KCNT2: variants seen among roughly 807,000 people sequenced by gnomAD.
KCNT2 encodes potassium channel subfamily T member 2.
A neutral mutation model predicts 153.8 loss-of-function variants in KCNT2; 67 were observed. That is an observed-to-expected ratio of 0.44 (90% CI 0.36 to 0.53). The LOEUF (loss-of-function observed/expected upper bound fraction) is 0.53, where lower values mean the gene tolerates loss of function less well. Ranked by LOEUF, KCNT2 falls within the 20% of genes least tolerant of loss-of-function variation. The pLI, the probability that KCNT2 is intolerant of heterozygous loss-of-function variation, is 0.00. For missense variants in KCNT2, 975 were observed against 1,354.8 expected (o/e 0.72, Z 4.40); for synonymous variants, 500 against 458.8 (o/e 1.09, Z -1.15).
intron 22 of KCNT2, 53 bp from the exon 23 acceptor site, chr1:196,285,811 T>A (rs1008155282): frequency 1.0e-6 from 1 of 997,252 alleles, no homozygotes; most frequent in East Asian, 2.4e-5. Flanking sequence ...ATTTTATGCA[T>A]TTCTGCCTCA....
chr1:196,244,140 T>C (rs1655210770), intron 26 of KCNT2, among the ~76,000 whole-genome samples: 1 of 152,024 alleles, frequency 6.6e-6, no homozygotes, highest in Non-Finnish European at 1.5e-5. Flanking sequence ...CCTGGCAGCA[T>C]TCATTACCTG....
At chr1:196,323,271 G>A (rs1287548442) in intron 19 of KCNT2, among the ~76,000 whole-genome samples, 2 of 152,038 alleles carry the variant, frequency 1.3e-5, no homozygotes, top group East Asian at 1.9e-4. Flanking sequence ...TTAATGAATG[G>A]ATAGTGTGAA....
chr1:196,580,865 T>C lies in KCNT2; in HGVS notation c.95+27350A>G, dbSNP rs948022215. Among the ~76,000 whole-genome samples the C allele has an allele frequency of 2.0e-5, 3 of 152,128 alleles. No individual in the cohort carries two copies. In the South Asian group the frequency reaches 6.2e-4, roughly 31 times the overall value. On this transcript the variant is annotated intron_variant, in intron 1 of 27. Coordinates refer to ENST00000294725, the MANE Select transcript of KCNT2 (RefSeq NM_198503.5). ...AAAGTGTTTCTTTCTGAAAAGTACA[T>C]CATGGAAAAGCTGACAAGGTGAAGG...
intron 14 of KCNT2, among the ~76,000 whole-genome samples, chr1:196,353,512 C>T (rs1340106331): frequency 6.6e-6 from 1 of 151,850 alleles, no homozygotes; most frequent in Admixed American, 6.6e-5. Context: ...AAACAAACCG[C>T]AAAAAAGCTG....
At chr1:196,426,538 C>A (rs142592378) in intron 10 of KCNT2, among the ~76,000 whole-genome samples, 1 of 151,746 alleles carries the variant, frequency 6.6e-6, no homozygotes, top group Non-Finnish European at 1.5e-5. Flanking sequence ...CAAAATATTA[C>A]AAAATATATG....
chr1:196,282,794 TA>T (rs1558098169), intron 23 of KCNT2, among the ~76,000 whole-genome samples: 1 of 152,246 alleles, frequency 6.6e-6, no homozygotes, highest in Non-Finnish European at 1.5e-5. Context: ...TATCATTTAT[TA>T]TTGCATATTC....
intron 2 of KCNT2, 63 bp downstream of exon 2, chr1:196,492,199 A>G (rs1164026196): frequency 1.5e-6 from 2 of 1,345,062 alleles, no homozygotes; most frequent in African/African-American, 3.1e-5. Context: ...AAAAGATCAC[A>G]CAGTTGAAAT....
At chr1:196,230,070 A>G (rs1365973648) in intron 27 of KCNT2, among the ~76,000 whole-genome samples, 6 of 152,044 alleles carry the variant, frequency 3.9e-5, no homozygotes, top group Non-Finnish European at 5.9e-5. Context: ...TAAACAACAG[A>G]TTTTCAATTT....
At chr1:196,237,216 A>G (rs1292281837) in intron 26 of KCNT2, among the ~76,000 whole-genome samples, 1 of 151,734 alleles carries the variant, frequency 6.6e-6, no homozygotes, top group East Asian at 1.9e-4. Flanking sequence ...CATTCATAAA[A>G]TAATGTTGAC....
At chr1:196,588,620 A>T (rs1662969240) in intron 1 of KCNT2, among the ~76,000 whole-genome samples, 1 of 151,980 alleles carries the variant, frequency 6.6e-6, no homozygotes, top group African/African-American at 2.4e-5. Flanking sequence ...TCCCAATGAC[A>T]CAAATCTACA....
intron 8 of KCNT2, among the ~76,000 whole-genome samples, chr1:196,456,652 G>C (rs933190660): frequency 1.3e-5 from 2 of 151,854 alleles, no homozygotes; most frequent in African/African-American, 4.8e-5. Context: ...ATTAAATTGT[G>C]CATTATCTGA....
chr1:196,390,299 T>G (rs1205676328), intron 13 of KCNT2, among the ~76,000 whole-genome samples: 1 of 151,636 alleles, frequency 6.6e-6, no homozygotes, highest in Non-Finnish European at 1.5e-5. Context: ...TAAACTCATA[T>G]TCTGGTGTTA....
At chr1:196,500,051 G>A (rs977495916) in intron 1 of KCNT2, among the ~76,000 whole-genome samples, 4 of 151,872 alleles carry the variant, frequency 2.6e-5, no homozygotes, top group Non-Finnish European at 4.4e-5. Context: ...GACAGAGGCA[G>A]AAGAATCACT....
intron 18 of KCNT2, among the ~76,000 whole-genome samples, chr1:196,329,131 G>A (rs570316987): frequency 6.6e-6 from 1 of 152,114 alleles, no homozygotes; most frequent in Non-Finnish European, 1.5e-5. Flanking sequence ...CACTGACCAG[G>A]ACACCAGCCC....
chr1:196,455,340 T>C (rs1676569723), intron 8 of KCNT2, among the ~76,000 whole-genome samples: 1 of 152,054 alleles, frequency 6.6e-6, no homozygotes, highest in Non-Finnish European at 1.5e-5. Context: ...CTTTTGTAAA[T>C]AGGCAGTACA....
At chr1:196,492,163 A>G (rs1679905550) in intron 2 of KCNT2, 99 bp downstream of exon 2, 8 of 1,166,654 alleles carry the variant, frequency 6.9e-6, no homozygotes, top group Admixed American at 4.3e-5. Flanking sequence ...AACCAATTTT[A>G]TTCCTCTATC....
chr1:196,361,494 A>AT (rs1274540129), intron 14 of KCNT2, among the ~76,000 whole-genome samples: 1 of 152,062 alleles, frequency 6.6e-6, no homozygotes, highest in Admixed American at 6.6e-5. Context: ...AGCAGTAGGC[A>AT]TTGGACTTAT....
intron 13 of KCNT2, among the ~76,000 whole-genome samples, chr1:196,389,071 C>T (rs565026525): frequency 4.3e-4 from 66 of 151,740 alleles, no homozygotes; most frequent in East Asian, 7.8e-4. Flanking sequence ...TTTTAAAATG[C>T]GGTTATTGCA....
At position 196,602,304 on chromosome 1, in the gene KCNT2, C is replaced by A. The variant is rs79664769; in HGVS notation, c.95+5911G>T. Among the ~76,000 whole-genome samples, 951 of 152,184 alleles carry A rather than the reference C, an allele frequency of 6.2e-3. 5 individuals carry two copies. The highest frequency in any genetic ancestry group is 0.011 in the Admixed American group (163 of 15,284). ...TGCTTTTTGCTTTATTTTCTAAAGA[C>A]AACTTAGACAAGCATGGTGCATAAT... On this transcript the variant is annotated intron_variant, in intron 1 of 27. Transcript: ENST00000294725.
Sources: gnomAD v4.1 joint callset for allele counts (sites outside exome capture counted in the v4.1 genomes callset) on GRCh38, gnomAD v4.1.1 for gene constraint, MANE v1.5 for transcripts, NCBI Gene and HGNC (gene_info 2026-07-23, HGNC 2026-07-21) for gene names.